TFAP2D: variants seen among roughly 807,000 people sequenced by gnomAD.
TFAP2D encodes the protein transcription factor AP-2 delta.
A neutral mutation model predicts 43.6 loss-of-function variants in TFAP2D; 9 were observed. The ratio of observed to expected loss-of-function variants is 0.21; its 90% CI spans 0.12 to 0.36. The LOEUF is 0.36. TFAP2D is among the 10% of genes least tolerant of loss of function. TFAP2D has a pLI of 1.00. For missense variants in TFAP2D, 513 were observed against 561.4 expected (o/e 0.91, Z 0.87); for synonymous variants, 256 against 224.9 (o/e 1.14, Z -1.24).
chr6:50,725,513 A>G, intron 3 of TFAP2D, among the ~76,000 whole-genome samples: 1 of 152,266 alleles, frequency 6.6e-6, no homozygotes, highest in East Asian at 1.9e-4. Flanking sequence ...ATAGAATCAA[A>G]GACATTCTTA....
chr6:50,761,407 G>A (rs1196493424), intron 7 of TFAP2D, among the ~76,000 whole-genome samples: 1 of 151,840 alleles, frequency 6.6e-6, no homozygotes, highest in Non-Finnish European at 1.5e-5. Context: ...CCAGCTTTTT[G>A]TACCCCAAAA....
At chr6:50,763,146 A>G (rs1156311448) in intron 7 of TFAP2D, among the ~76,000 whole-genome samples, 2 of 152,116 alleles carry the variant, frequency 1.3e-5, no homozygotes, top group African/African-American at 4.8e-5. Flanking sequence ...GCTGTCTATC[A>G]CACTAAGGTT....
At chr6:50,739,264 C>T (rs1478290829) in intron 5 of TFAP2D, among the ~76,000 whole-genome samples, 2 of 152,004 alleles carry the variant, frequency 1.3e-5, no homozygotes, top group Non-Finnish European at 2.9e-5. Flanking sequence ...ATGTTCCCCA[C>T]CCTGTGTCCA....
intron 5 of TFAP2D, among the ~76,000 whole-genome samples, chr6:50,734,765 C>G (rs1175373750): frequency 6.6e-6 from 1 of 152,072 alleles, no homozygotes; most frequent in African/African-American, 2.4e-5. Context: ...TTGGCAGAGT[C>G]TTCTCCGAAA....
At chr6:50,734,013 T>TGTGTGTGC (rs1245970330) in intron 5 of TFAP2D, among the ~76,000 whole-genome samples, 52 of 152,064 alleles carry the variant, frequency 3.4e-4, no homozygotes, top group African/African-American at 9.9e-4. Context: ...TGTGTGTGTG[T>TGTGTGTGC]GTGTGTTTAA....
chr6:50,745,059 T>C lies in TFAP2D; in HGVS notation c.884-48T>C, dbSNP rs115128006. 3.2e-4 allele frequency: 508 copies of C among 1,606,318 alleles called. No individual in the cohort carries two copies. The African/African-American group carries it at 6.3e-3, about 20-fold the overall frequency. ...AGCAAAATGCAAGACACTACTGTTA[T>C]TAAGGTTGGATACTGGTGAGAAACT... On this transcript the variant is annotated intron_variant, in intron 5 of 7. Coordinates refer to ENST00000008391, the MANE Select transcript of TFAP2D (RefSeq NM_172238.4).
chr6:50,719,024 T>C, intron 2 of TFAP2D, 66 bp from the exon 3 acceptor site: 1 of 1,501,078 alleles, frequency 6.7e-7, no homozygotes, highest in African/African-American at 1.4e-5. Flanking sequence ...TCTAAAAGAC[T>C]TTACCTACGT....
At chr6:50,736,410 A>G (rs1746039382) in intron 5 of TFAP2D, among the ~76,000 whole-genome samples, 1 of 152,166 alleles carries the variant, frequency 6.6e-6, no homozygotes. Context: ...TAAGCACAGA[A>G]TAATTTCTAT....
At chr6:50,719,443 CAG>C (rs1384935964) in intron 3 of TFAP2D, among the ~76,000 whole-genome samples, 1 of 112,936 alleles carries the variant, frequency 8.9e-6, no homozygotes, top group Admixed American at 9.5e-5. Context: ...AAGAAAAAGA[CAG>C]AGAGAAAGAA....
At chr6:50,722,296 C>T (rs1402194409) in intron 3 of TFAP2D, among the ~76,000 whole-genome samples, 1 of 152,186 alleles carries the variant, frequency 6.6e-6, no homozygotes, top group Non-Finnish European at 1.5e-5. Flanking sequence ...GTATCGATAG[C>T]TTCTTTCGCC....
intron 6 of TFAP2D, among the ~76,000 whole-genome samples, chr6:50,747,193 T>A (rs1198252362): frequency 6.6e-6 from 1 of 152,144 alleles, no homozygotes; most frequent in Non-Finnish European, 1.5e-5. Context: ...ACTAAATTTT[T>A]TTTCCAAATA....
intron 3 of TFAP2D, among the ~76,000 whole-genome samples, chr6:50,726,842 T>G (rs1453133325): frequency 6.6e-6 from 1 of 152,174 alleles, no homozygotes; most frequent in East Asian, 1.9e-4. Context: ...AACATTTTTA[T>G]TGTTGTATTT....
chr6:50,720,453 T>C lies in TFAP2D; in HGVS notation c.598+1303T>C, dbSNP rs930733369. On this transcript the variant is annotated intron_variant, in intron 3 of 7. Coordinates refer to ENST00000008391, the MANE Select transcript of TFAP2D (RefSeq NM_172238.4). ...TTTACATTAAATTTAAAAGAGCTGCTCAACACTTCTTGTTTCACCCTATGG... is the reference window on the plus strand; with the variant it reads ...TTTACATTAAATTTAAAAGAGCTGCCCAACACTTCTTGTTTCACCCTATGG... Among the ~76,000 whole-genome samples, 4 of 149,326 alleles carry C rather than the reference T, an allele frequency of 2.7e-5. No homozygotes were observed. The Admixed American group carries it at 2.7e-4, about 10-fold the overall frequency.
In TFAP2D at chr6:50,729,270, C is replaced by T. The variant is rs776969911; in HGVS notation, c.841C>T (p.Arg281Trp). 10 of 1,613,900 alleles carry T rather than the reference C, an allele frequency of 6.2e-6. No homozygotes were observed. Among genetic ancestry groups the T allele is most frequent in the East Asian group, 2.2e-5 (1 of 44,888 alleles). ...RLGLNLPAGRRKAANVTLLTS... is the reference protein window; with the variant it reads ...RLGLNLPAGRWKAANVTLLTS... ...TGGCTTAAACTTACCAGCAGGAAGA[C>T]GGAAAGCAGCTAATGTCACCCTCCT... is the stretch of plus-strand genomic sequence containing the variant. Residue 281 changes from arginine to tryptophan, a missense_variant, in exon 5 of 8, where the codon CGG becomes TGG. Arg to Trp is a moderately radical substitution (Grantham distance 101, BLOSUM62 -3). This residue lies in a region of TFAP2D where 199 missense variants were observed against 227.9 expected (regional missense o/e 0.87). Transcript: ENST00000008391.
intron 5 of TFAP2D, among the ~76,000 whole-genome samples, chr6:50,732,802 G>T (rs1242704678): frequency 6.6e-6 from 1 of 151,998 alleles, no homozygotes; most frequent in African/African-American, 2.4e-5. Context: ...TGACATAACA[G>T]GTTTCATTAG....
chr6:50,719,021 G>T, intron 2 of TFAP2D, 69 bp from the exon 3 acceptor site: 1 of 1,481,000 alleles, frequency 6.8e-7, no homozygotes, highest in South Asian at 1.2e-5. Flanking sequence ...TAGTCTAAAA[G>T]ACTTTACCTA....
chr6:50,714,206 G>A, intron 1 of TFAP2D, 112 bp downstream of exon 1: 26 of 1,106,372 alleles, frequency 2.4e-5, no homozygotes, highest in Non-Finnish European at 3.4e-5. Context: ...AATCTATATT[G>A]GACCGTTACG....
rs1581767825 is a variant in TFAP2D at position 50,740,570 on chromosome 6, T to C, written c.884-4537T>C. The stretch of plus-strand genomic sequence containing the variant: ...GCCTCAGCCTTCTGAGTAGCTAGGA[T>C]TGCAGGTGCCCGCCACCACACCCAG... On this transcript the variant is annotated intron_variant, in intron 5 of 7. Transcript: ENST00000008391. Among the ~76,000 whole-genome samples, 3 of 152,002 alleles carry C rather than the reference T, an allele frequency of 2.0e-5. No individual in the cohort carries two copies. The East Asian group carries it at 5.8e-4, about 30-fold the overall frequency.
intron 5 of TFAP2D, among the ~76,000 whole-genome samples, chr6:50,733,034 AC>A (rs1426986105): frequency 6.6e-6 from 1 of 152,008 alleles, no homozygotes. Flanking sequence ...ATAATTCACA[AC>A]TTTTCTGTTA....
Sources: allele counts gnomAD v4.1 joint callset (sites outside exome capture counted in the v4.1 genomes callset), GRCh38; gene constraint gnomAD v4.1.1; regional missense constraint gnomAD v4.1.1; transcripts MANE v1.5; gene names NCBI Gene and HGNC (gene_info 2026-07-23, HGNC 2026-07-21).